Variants in BAZ2B observed in about 807,000 individuals in gnomAD.
BAZ2B encodes the protein bromodomain adjacent to zinc finger domain 2B, also known as bromodomain adjacent to zinc finger domain protein 2B.
Under a neutral mutation model 246.0 loss-of-function variants are expected in BAZ2B, and 91 were observed. The ratio of observed to expected loss-of-function variants is 0.37; its 90% CI spans 0.31 to 0.44. The LOEUF is 0.44. Ranked by LOEUF, BAZ2B falls within the 20% of genes least tolerant of loss-of-function variation. BAZ2B has a pLI of 1.00. For missense variants in BAZ2B, 2,332 were observed against 2,533.7 expected (o/e 0.92, Z 1.71); for synonymous variants, 855 against 860.0 (o/e 0.99, Z 0.10).
At chr2:159,697,977 C>T in the BAZ2B span, among the ~76,000 whole-genome samples, 18 of 152,074 alleles carry the variant, frequency 1.2e-4, no homozygotes, top group African/African-American at 4.3e-4. Flanking sequence ...ACTTTGCCTC[C>T]CTCAGCTTTT....
At chr2:159,615,047 T>C (rs1373408920) in intron 1 of BAZ2B, among the ~76,000 whole-genome samples, 2 of 152,138 alleles carry the variant, frequency 1.3e-5, no homozygotes, top group African/African-American at 4.8e-5. Flanking sequence ...TGGAGGATAT[T>C]GTAATATACA....
chr2:159,626,906 G>A, the BAZ2B span, among the ~76,000 whole-genome samples: 1 of 151,808 alleles, frequency 6.6e-6, no homozygotes, highest in Non-Finnish European at 1.5e-5. Context: ...ATCAACAAAA[G>A]AGATAGACCA....
At chr2:159,625,400 G>A in the BAZ2B span, among the ~76,000 whole-genome samples, 1 of 152,088 alleles carries the variant, frequency 6.6e-6, no homozygotes, top group African/African-American at 2.4e-5. Context: ...TTGAAATGAA[G>A]GAAAAAATGT....
the BAZ2B span, among the ~76,000 whole-genome samples, chr2:159,691,159 C>T: frequency 5.3e-5 from 8 of 152,062 alleles, no homozygotes; most frequent in Non-Finnish European, 8.8e-5. Flanking sequence ...GCAGCATCTA[C>T]GGAGATAATT....
intron 3 of BAZ2B, among the ~76,000 whole-genome samples, chr2:159,474,344 T>C (rs896204496): frequency 2.0e-5 from 3 of 152,248 alleles, no homozygotes; most frequent in African/African-American, 7.2e-5. Context: ...TCTTTGTTGG[T>C]TTAAAGTCTG....
chr2:159,572,904 A>G (rs1684375752), intron 1 of BAZ2B, among the ~76,000 whole-genome samples: 1 of 152,218 alleles, frequency 6.6e-6, no homozygotes, highest in Non-Finnish European at 1.5e-5. Context: ...AAGCAACATG[A>G]GAATGAGGAT....
chr2:159,360,522 A>G (rs2059570430), intron 27 of BAZ2B, among the ~76,000 whole-genome samples: 1 of 152,162 alleles, frequency 6.6e-6, no homozygotes, highest in East Asian at 1.9e-4. Flanking sequence ...AAATGGCCAT[A>G]TTGCCCAAAG....
chr2:159,536,922 T>C (rs2086065313), intron 2 of BAZ2B, among the ~76,000 whole-genome samples: 2 of 152,158 alleles, frequency 1.3e-5, no homozygotes, highest in Non-Finnish European at 2.9e-5. Flanking sequence ...TACAGCAAAA[T>C]TTAATCTATG....
intron 2 of BAZ2B, among the ~76,000 whole-genome samples, chr2:159,489,053 A>G (rs936593879): frequency 6.6e-6 from 1 of 152,208 alleles, no homozygotes; most frequent in African/African-American, 2.4e-5. Context: ...ATTAACTCAT[A>G]AAGCCTATTT....
chr2:159,318,799 T>C (rs174230), downstream of BAZ2B, among the ~76,000 whole-genome samples: 134,785 of 152,140 alleles, frequency 0.89, 61,337 homozygotes, highest in Middle Eastern at 0.99. Context: ...ACCAGAGAGG[T>C]TTTCAGGCTA....
chr2:159,669,161 C>T, the BAZ2B span, among the ~76,000 whole-genome samples: 2 of 152,122 alleles, frequency 1.3e-5, no homozygotes, highest in African/African-American at 4.8e-5. Context: ...TTTTCATTAT[C>T]ATTCCCTTCA....
chr2:159,494,590 G>A (rs10180471), intron 2 of BAZ2B, among the ~76,000 whole-genome samples: 151,794 of 152,336 alleles, frequency 1, 75,627 homozygotes, highest in Middle Eastern at 1. Flanking sequence ...TCTAGGGCTC[G>A]GTGGCATATA....
At chr2:159,329,510 C>T (rs1357027953) in intron 34 of BAZ2B, among the ~76,000 whole-genome samples, 2 of 152,072 alleles carry the variant, frequency 1.3e-5, no homozygotes, top group Admixed American at 1.3e-4. Flanking sequence ...ATTCTGTGAT[C>T]CTGTGATCAC....
At chr2:159,441,664 A>T (rs957155328) in intron 6 of BAZ2B, among the ~76,000 whole-genome samples, 1 of 145,308 alleles carries the variant, frequency 6.9e-6, no homozygotes, top group Non-Finnish European at 1.6e-5. Context: ...ACATTTTTTT[A>T]AATGAGTCAG....
intron 2 of BAZ2B, among the ~76,000 whole-genome samples, chr2:159,538,140 G>C (rs1245917207): frequency 1.3e-5 from 2 of 152,086 alleles, no homozygotes; most frequent in Non-Finnish European, 2.9e-5. Flanking sequence ...GAGACTACAG[G>C]TACGCACCAC....
At chr2:159,405,817 A>G (rs2065850995) in intron 14 of BAZ2B, among the ~76,000 whole-genome samples, 1 of 152,196 alleles carries the variant, frequency 6.6e-6, no homozygotes, top group Admixed American at 6.5e-5. Flanking sequence ...ACATATAAAA[A>G]AAAAAGAAAG....
chr2:159,609,689 T>C lies in BAZ2B; in HGVS notation c.-46+6553A>G, dbSNP rs1178232638. On this transcript the variant is annotated intron_variant, in intron 1 of 36. Transcript: ENST00000392783. ...TTTCCTTCAAAGCTTCTTCATTTTA[T>C]TCAGCATTAAGTTTAAATTAAATAT... Among the ~76,000 whole-genome samples the C allele has an allele frequency of 3.9e-5, 6 of 152,272 alleles. No individual in the cohort carries two copies. The East Asian group carries it at 5.8e-4, about 15-fold the overall frequency.
chr2:159,618,133 C>G (rs1456098601), upstream of BAZ2B, among the ~76,000 whole-genome samples: 1 of 152,062 alleles, frequency 6.6e-6, no homozygotes, highest in Admixed American at 6.5e-5. Flanking sequence ...GCCACATTCC[C>G]GGAATACAGA....
the BAZ2B span, among the ~76,000 whole-genome samples, chr2:159,700,571 G>C: frequency 1.9e-4 from 29 of 152,014 alleles, no homozygotes; most frequent in Non-Finnish European, 3.5e-4. Context: ...TCAGCCTCTC[G>C]AGTAGCTGGG....
Sources: gnomAD v4.1 joint callset for allele counts (sites outside exome capture counted in the v4.1 genomes callset) on GRCh38, gnomAD v4.1.1 for gene constraint, MANE v1.5 for transcripts, NCBI Gene and HGNC (gene_info 2026-07-23, HGNC 2026-07-21) for gene names.